Variants in STK35 observed in about 807,000 individuals in gnomAD.
STK35 encodes serine/threonine kinase 35.
In STK35, 17 loss-of-function variants were observed where a neutral mutation model predicts 37.3. The observed-to-expected ratio is 0.46, with a 90% CI of 0.31 to 0.68. The LOEUF is 0.68. Ranked by LOEUF, STK35 falls within the 30% of genes least tolerant of loss-of-function variation. STK35 has a pLI of 0.05. For synonymous variants in STK35, 385 were observed against 319.1 expected (o/e 1.21, Z -2.20); for missense variants, 595 against 746.7 (o/e 0.80, Z 2.37).
intron 2 of STK35, 136 bp from the exon 3 acceptor site, chr20:2,116,530 A>T: frequency 1.1e-6 from 1 of 948,380 alleles, no homozygotes; most frequent in Non-Finnish European, 1.6e-6. Flanking sequence ...AAAGGCACTC[A>T]GTGCCAGTTG....
In STK35 at chr20:2,142,312, T is replaced by TCCAATATCATC. The variant is rs369185215; in HGVS notation, c.*38-1472_*38-1471insCCAATATCATC. On this transcript the variant is annotated intron_variant, in intron 3 of 3. Transcript: ENST00000381482. ...AAACTGAGGCCAACAGACAGTAAAT[T>TCCAATATCATC]ATCCAATATTGTCCTATCCTGCTGC... Among the ~76,000 whole-genome samples the TCCAATATCATC allele has an allele frequency of 9.9e-5, 15 of 151,746 alleles. No homozygotes were observed. The South Asian group carries it at 3.1e-3, about 32-fold the overall frequency.
At chr20:2,116,216 G>A (rs1448809408) in intron 2 of STK35, among the ~76,000 whole-genome samples, 3 of 152,038 alleles carry the variant, frequency 2.0e-5, no homozygotes, top group Non-Finnish European at 2.9e-5. Flanking sequence ...CATTCTAGGT[G>A]CATTAACAAG....
chr20:2,101,935 T>G lies in STK35; in HGVS notation c.54T>G (p.Tyr18Ter). 6.7e-7 allele frequency: 1 copy of G among 1,492,030 alleles called. No homozygotes were observed. 92.4% of individuals were successfully genotyped at this position (1,492,030 alleles called of 1,614,324 possible). The change falls in exon 1 of 4, where the codon TAT (tyrosine) becomes TAG (stop). Residue 18 changes from tyrosine (Y) to a stop codon, truncating the protein, a stop_gained. Transcript: ENST00000381482. LOFTEE classifies it high-confidence loss of function. ...GGGCGCCGGCGGGAGGTGCAGCTTA[T>G]GTAAAGAGGTTATGTAAAGGGCTCA... ...LARAPAGGAA[Y>*]VKRLCKGLSW...
At chr20:2,118,827 A>G (rs1985766843) in intron 3 of STK35, among the ~76,000 whole-genome samples, 1 of 152,256 alleles carries the variant, frequency 6.6e-6, no homozygotes, top group South Asian at 2.1e-4. Context: ...AACTGCCTAT[A>G]GTATTCAGTA....
chr20:2,135,317 T>TG (rs1165742734), intron 3 of STK35, among the ~76,000 whole-genome samples: 1 of 151,842 alleles, frequency 6.6e-6, no homozygotes, highest in African/African-American at 2.4e-5. Flanking sequence ...TGGCAGGGGG[T>TG]GGCTAGGTAA....
chr20:2,108,688 C>T (rs1985562771), intron 2 of STK35, among the ~76,000 whole-genome samples: 1 of 152,100 alleles, frequency 6.6e-6, no homozygotes, highest in African/African-American at 2.4e-5. Context: ...TGCTCCTGAC[C>T]GACTACTTTT....
rs1023518631 is a variant in STK35, at chr20:2,102,760, G to T, written c.295-8G>T. 7 of 1,420,754 alleles carry T rather than the reference G, an allele frequency of 4.9e-6. No individual in the cohort carries two copies. Among genetic ancestry groups the T allele is most frequent in the South Asian group, 2.8e-5 (2 of 72,088 alleles). 88.0% of individuals were successfully genotyped at this position (1,420,754 alleles called of 1,614,324 possible). A position where few individuals can be genotyped will look rare whatever the true frequency, so the allele number is the denominator to read the frequency against. On this transcript the variant is annotated splice_polypyrimidine_tract_variant and splice_region_variant and intron_variant, in intron 1 of 3. Coordinates refer to ENST00000381482, the MANE Select transcript of STK35 (RefSeq NM_080836.4). Reference sequence around the variant, plus strand: ...GCCTGGCCGTTTAACCGATTCTTTCGCCCGCAGGTCACAATCCAAGGTCCG... The same window carrying T: ...GCCTGGCCGTTTAACCGATTCTTTCTCCCGCAGGTCACAATCCAAGGTCCG...
chr20:2,106,925 CTT>C (rs1394907342), intron 2 of STK35, among the ~76,000 whole-genome samples: 1 of 152,148 alleles, frequency 6.6e-6, no homozygotes, highest in South Asian at 2.1e-4. Context: ...AGGGACAAAA[CTT>C]TTATCCACAA....
At chr20:2,134,870 AAC>A (rs1341013628) in intron 3 of STK35, among the ~76,000 whole-genome samples, 2 of 152,092 alleles carry the variant, frequency 1.3e-5, no homozygotes, top group African/African-American at 4.8e-5. Context: ...CAGCCTGGGC[AAC>A]AGAGTGAGAC....
intron 3 of STK35, among the ~76,000 whole-genome samples, chr20:2,124,364 G>A (rs1461355933): frequency 2.0e-5 from 3 of 152,152 alleles, no homozygotes; most frequent in African/African-American, 4.8e-5. Flanking sequence ...CCAAGGGGTC[G>A]AAGTCAGTGG....
chr20:2,119,036 G>T (rs1225237317), intron 3 of STK35, among the ~76,000 whole-genome samples: 1 of 152,192 alleles, frequency 6.6e-6, no homozygotes, highest in Non-Finnish European at 1.5e-5. Context: ...AGGCTCTGGG[G>T]TGACATGATA....
intron 2 of STK35, among the ~76,000 whole-genome samples, chr20:2,104,895 G>A (rs1436302989): frequency 6.6e-6 from 1 of 152,126 alleles, no homozygotes; most frequent in Non-Finnish European, 1.5e-5. Flanking sequence ...GCTCACGACT[G>A]TAATCCCAGC....
Position 2,101,989 on chromosome 20 carries a change from G to C in STK35, c.108G>C (p.Gly36=). Residue 36 remains glycine (G), a synonymous_variant, in exon 1 of 4, where the codon GGG becomes GGC. Transcript: ENST00000381482. ...GGCGCGAACACGTGGAAAGCCACGG[G>C]AGCCTAGGAGCCCAGGCTTCCCCAG... ...LSWREHVESH[G]SLGAQASPAS... 1 of 1,525,738 alleles carries C rather than the reference G, an allele frequency of 6.6e-7. No homozygotes were observed. The highest frequency in any genetic ancestry group is 1.8e-4 in the Middle Eastern group (1 of 5,468). The allele number at this position is 1,525,738 out of a possible 1,614,324, so 94.5% of individuals were successfully genotyped here. A position where few individuals can be genotyped will look rare whatever the true frequency, so the allele number is the denominator to read the frequency against.
In STK35 at chr20:2,140,487, A is replaced by T. The variant is rs578033528; in HGVS notation, c.*38-3297A>T. The stretch of plus-strand genomic sequence containing the variant: ...GTCTGAGCCATTCCTGTTCATAGCT[A>T]CAGAAAGCGCCTCCACTACCTTCGG... On this transcript the variant is annotated intron_variant, in intron 3 of 3. Coordinates refer to ENST00000381482, the MANE Select transcript of STK35 (RefSeq NM_080836.4). Among the ~76,000 whole-genome samples, 4 of 152,286 alleles carry T rather than the reference A, an allele frequency of 2.6e-5. No individual in the cohort carries two copies. In the South Asian group the frequency reaches 8.3e-4, roughly 32 times the overall value.
At chr20:2,111,406 C>T (rs1168690220) in intron 2 of STK35, among the ~76,000 whole-genome samples, 1 of 152,140 alleles carries the variant, frequency 6.6e-6, no homozygotes, top group Non-Finnish European at 1.5e-5. Flanking sequence ...CTCTAAAATA[C>T]GTCAGTGGCC....
chr20:2,113,260 T>C (rs1006835404), intron 2 of STK35, among the ~76,000 whole-genome samples: 1 of 152,206 alleles, frequency 6.6e-6, no homozygotes, highest in African/African-American at 2.4e-5. Context: ...TCAAAACATC[T>C]GCAGAATGTG....
chr20:2,126,333 A>G (rs930497870), intron 3 of STK35, among the ~76,000 whole-genome samples: 2 of 152,196 alleles, frequency 1.3e-5, no homozygotes, highest in Non-Finnish European at 2.9e-5. Context: ...AATGGGTTAT[A>G]GATGGCTCAG....
chr20:2,143,363 C>T (rs1223314178), intron 3 of STK35, among the ~76,000 whole-genome samples: 2 of 152,182 alleles, frequency 1.3e-5, no homozygotes, highest in African/African-American at 4.8e-5. Flanking sequence ...TTCTAACAAA[C>T]AGCACAATTA....
At chr20:2,104,566 C>CTG (rs1167009804) in intron 2 of STK35, among the ~76,000 whole-genome samples, 1 of 152,138 alleles carries the variant, frequency 6.6e-6, no homozygotes, top group Non-Finnish European at 1.5e-5. Context: ...AGGCGTAATG[C>CTG]TGTTCTCTGC....
Sources: allele counts gnomAD v4.1 joint callset (sites outside exome capture counted in the v4.1 genomes callset), GRCh38; gene constraint gnomAD v4.1.1; transcripts MANE v1.5; gene names NCBI Gene and HGNC (gene_info 2026-07-23, HGNC 2026-07-21).